Variants in HS3ST4 observed in about 807,000 individuals in gnomAD.
HS3ST4 encodes heparan sulfate glucosamine 3-O-sulfotransferase 4.
In HS3ST4, 17 loss-of-function variants were observed where a neutral mutation model predicts 29.2. The observed-to-expected ratio is 0.58, with a 90% CI of 0.40 to 0.87. The LOEUF (loss-of-function observed/expected upper bound fraction) is 0.87, where lower values mean the gene tolerates loss of function less well. HS3ST4 is among the 40% of genes least tolerant of loss of function. The pLI, the probability that HS3ST4 is intolerant of heterozygous loss-of-function variation, is 0.00. For missense variants in HS3ST4, 627 were observed against 634.5 expected, an observed-to-expected ratio of 0.99 and a Z score of 0.13; for synonymous variants, 314 against 285.7, an observed-to-expected ratio of 1.10 and a Z score of -1.00.
At chr16:25,826,643 C>T (rs554279462) in intron 1 of HS3ST4, among the ~76,000 whole-genome samples, 93 of 151,538 alleles carry the variant, frequency 6.1e-4, no homozygotes, top group African/African-American at 2.1e-3. Context: ...GGGGCTAGGG[C>T]ACTATAAAAA....
intron 1 of HS3ST4, among the ~76,000 whole-genome samples, chr16:25,758,730 C>A (rs1250108056): frequency 6.6e-6 from 1 of 151,944 alleles, no homozygotes; most frequent in African/African-American, 2.4e-5. Flanking sequence ...CTGAAGTGGG[C>A]AGATCACCTG....
chr16:25,931,989 T>C (rs1010035460), intron 1 of HS3ST4, among the ~76,000 whole-genome samples: 1 of 152,130 alleles, frequency 6.6e-6, no homozygotes, highest in African/African-American at 2.4e-5. Context: ...GCTGGAGGTT[T>C]TTTTAAAGGG....
At chr16:25,746,321 GA>G (rs1966684831) in intron 1 of HS3ST4, among the ~76,000 whole-genome samples, 1 of 152,166 alleles carries the variant, frequency 6.6e-6, no homozygotes, top group Non-Finnish European at 1.5e-5. Flanking sequence ...GAGATTCAGA[GA>G]ATGATTTTCA....
chr16:25,826,777 A>G (rs1967220949), intron 1 of HS3ST4, among the ~76,000 whole-genome samples: 1 of 152,066 alleles, frequency 6.6e-6, no homozygotes, highest in Non-Finnish European at 1.5e-5. Context: ...TATTTTAGTA[A>G]TTTCCCGGGT....
At chr16:25,833,234 A>G (rs1319295413) in intron 1 of HS3ST4, among the ~76,000 whole-genome samples, 1 of 152,120 alleles carries the variant, frequency 6.6e-6, no homozygotes, top group African/African-American at 2.4e-5. Flanking sequence ...TAAAGTTAGG[A>G]TTCCGTTTTT....
chr16:25,989,121 C>T (rs867311668), intron 1 of HS3ST4, among the ~76,000 whole-genome samples: 7 of 152,250 alleles, frequency 4.6e-5, no homozygotes, highest in South Asian at 2.1e-4. Flanking sequence ...TACAGCTCAG[C>T]GTTTGGCTTA....
intron 1 of HS3ST4, among the ~76,000 whole-genome samples, chr16:26,010,325 G>A (rs1969298689): frequency 6.6e-6 from 1 of 152,084 alleles, no homozygotes. Flanking sequence ...ACAGTGGCGT[G>A]CTCCTGTAAT....
chr16:25,694,947 T>G (rs1275155120), intron 1 of HS3ST4, among the ~76,000 whole-genome samples: 1 of 152,172 alleles, frequency 6.6e-6, no homozygotes, highest in Non-Finnish European at 1.5e-5. Context: ...GGATGTGTGG[T>G]GGAATGTGTA....
At chr16:26,067,564 G>A (rs957966981) in intron 1 of HS3ST4, among the ~76,000 whole-genome samples, 16 of 151,948 alleles carry the variant, frequency 1.1e-4, no homozygotes, top group African/African-American at 3.1e-4. Flanking sequence ...TGTAACTTGG[G>A]AAAATGAAAT....
intron 1 of HS3ST4, among the ~76,000 whole-genome samples, chr16:25,911,662 A>G (rs1968241555): frequency 6.6e-6 from 1 of 151,610 alleles, no homozygotes; most frequent in Non-Finnish European, 1.5e-5. Context: ...GGCAGGCACC[A>G]ACATACCTGG....
chr16:25,855,932 G>A (rs1596592194), intron 1 of HS3ST4, among the ~76,000 whole-genome samples: 1 of 152,056 alleles, frequency 6.6e-6, no homozygotes, highest in Admixed American at 6.6e-5. Flanking sequence ...CCTGGAATGA[G>A]AGAATGCCCT....
chr16:26,114,415 T>A (rs4787349), intron 1 of HS3ST4, among the ~76,000 whole-genome samples: 62,697 of 152,030 alleles, frequency 0.41, 13,361 homozygotes, highest in African/African-American at 0.51. Context: ...CAGGGACACA[T>A]TAGTTCCCTG....
At chr16:25,950,659 T>C (rs760657678) in intron 1 of HS3ST4, among the ~76,000 whole-genome samples, 9 of 151,956 alleles carry the variant, frequency 5.9e-5, no homozygotes, top group Non-Finnish European at 1.2e-4. Flanking sequence ...TGAAGAAGGA[T>C]AAAGATCTAG....
At chr16:25,938,468 G>A (rs1036132959) in intron 1 of HS3ST4, among the ~76,000 whole-genome samples, 4 of 152,038 alleles carry the variant, frequency 2.6e-5, no homozygotes, top group Admixed American at 6.6e-5. Flanking sequence ...GCAGGAGCTC[G>A]CACATCTATC....
At chr16:25,811,813 C>T (rs1313410252) in intron 1 of HS3ST4, among the ~76,000 whole-genome samples, 3 of 151,992 alleles carry the variant, frequency 2.0e-5, no homozygotes, top group Admixed American at 6.6e-5. Flanking sequence ...GTTAATCAAC[C>T]GTTTATGTTA....
chr16:26,049,108 T>C (rs1450151381), intron 1 of HS3ST4, among the ~76,000 whole-genome samples: 1 of 152,058 alleles, frequency 6.6e-6, no homozygotes, highest in African/African-American at 2.4e-5. Flanking sequence ...CTTCTGCTTG[T>C]GATATTGACA....
At chr16:26,134,357 C>CTTTTTTTTTTTTTTTTT (rs1167036022) in intron 1 of HS3ST4, among the ~76,000 whole-genome samples, 19 of 109,064 alleles carry the variant, frequency 1.7e-4, no homozygotes, top group Non-Finnish European at 2.8e-4. Context: ...CTTTTCTTTT[C>CTTTTTTTTTTTTTTTTT]TTTTCTTTTT....
At chr16:26,119,474 G>A (rs565155173) in intron 1 of HS3ST4, among the ~76,000 whole-genome samples, 18 of 152,296 alleles carry the variant, frequency 1.2e-4, no homozygotes, top group African/African-American at 4.1e-4. Flanking sequence ...CAAGGAATCC[G>A]TGCTGATTCC....
intron 1 of HS3ST4, among the ~76,000 whole-genome samples, chr16:26,112,014 CAA>C (rs33971867): frequency 2.9e-5 from 4 of 136,308 alleles, no homozygotes; most frequent in Admixed American, 7.5e-5. Context: ...AGACTCCACT[CAA>C]AAAAAAAAAA....
Sources: gnomAD v4.1 joint callset for allele counts (sites outside exome capture counted in the v4.1 genomes callset) on GRCh38, gnomAD v4.1.1 for gene constraint, MANE v1.5 for transcripts, NCBI Gene and HGNC (gene_info 2026-07-23, HGNC 2026-07-21) for gene names.